Variants in RGPD3 observed in about 807,000 individuals in gnomAD.
The protein encoded by RGPD3 is ranBP2-like and GRIP domain-containing protein 3.
A neutral mutation model predicts 154.5 loss-of-function variants in RGPD3; 62 were observed. That is an observed-to-expected ratio of 0.40 (90% CI 0.33 to 0.50). RGPD3 has a LOEUF of 0.50. Ranked by LOEUF, RGPD3 falls within the 20% of genes least tolerant of loss-of-function variation. RGPD3 has a pLI of 0.59. For synonymous variants in RGPD3, 308 were observed against 607.0 expected (o/e 0.51, Z 7.24); for missense variants, 919 against 1,716.8 (o/e 0.54, Z 8.21).
At chr2:106,450,882 A>C (rs1480659329) in intron 6 of RGPD3, among the ~76,000 whole-genome samples, 2 of 27,364 alleles carry the variant, frequency 7.3e-5, no homozygotes, top group African/African-American at 1.7e-4. Flanking sequence ...ACTCAGTCTC[A>C]AAAAAAAAAG....
At chr2:106,462,885 A>C (rs1409527251) in intron 1 of RGPD3, among the ~76,000 whole-genome samples, 9 of 150,732 alleles carry the variant, frequency 6.0e-5, no homozygotes, top group African/African-American at 2.2e-4. Flanking sequence ...ATACTGAACC[A>C]TGAGTTCCCC....
chr2:106,442,563 T>C (rs1011828897), intron 7 of RGPD3, among the ~76,000 whole-genome samples: 3 of 130,550 alleles, frequency 2.3e-5, no homozygotes, highest in Admixed American at 1.5e-4. Context: ...CCTTCAAATA[T>C]TAAAATTATT....
At chr2:106,411,061 G>T (rs968596855) in intron 22 of RGPD3, among the ~76,000 whole-genome samples, 5 of 150,378 alleles carry the variant, frequency 3.3e-5, no homozygotes, top group South Asian at 2.2e-4. Flanking sequence ...GGTTTTCAAG[G>T]TATGGGCCCC....
intron 17 of RGPD3, 139 bp downstream of exon 17, chr2:106,432,796 A>T (rs1323941303): frequency 9.0e-6 from 10 of 1,114,468 alleles, no homozygotes; most frequent in Admixed American, 6.3e-5. Flanking sequence ...AAAAAAAAAA[A>T]AAAAGACCAA....
intron 22 of RGPD3, among the ~76,000 whole-genome samples, chr2:106,410,812 A>G (rs1676647669): frequency 6.6e-6 from 1 of 152,010 alleles, no homozygotes; most frequent in South Asian, 2.1e-4. Context: ...AATCTGAATA[A>G]CTACTAAAAA....
chr2:106,450,023 A>G (rs1358496695), intron 6 of RGPD3, among the ~76,000 whole-genome samples: 1 of 148,152 alleles, frequency 6.7e-6, no homozygotes, highest in Non-Finnish European at 1.5e-5. Context: ...TCTCAAAAAA[A>G]AAAAGATCGA....
At chr2:106,470,481 G>A (rs1033013829), upstream of RGPD3, among the ~76,000 whole-genome samples, 12 of 152,180 alleles carry the variant, frequency 7.9e-5, no homozygotes, top group African/African-American at 2.9e-4. Flanking sequence ...GTCAATCAAC[G>A]ATGGTACTCT....
chr2:106,465,929 T>G (rs1678561010), intron 1 of RGPD3, among the ~76,000 whole-genome samples: 3 of 151,736 alleles, frequency 2.0e-5, no homozygotes, highest in Admixed American at 2.0e-4. Context: ...GCCTACCTTG[T>G]CACTCGACGC....
chr2:106,444,689 G>A (rs1444549317), intron 7 of RGPD3, among the ~76,000 whole-genome samples: 1 of 147,546 alleles, frequency 6.8e-6, no homozygotes, highest in Non-Finnish European at 1.5e-5. Context: ...AGCCAGGCAT[G>A]GTGGCAGGCA....
At chr2:106,420,270 C>T (rs1676939132) in intron 20 of RGPD3, among the ~76,000 whole-genome samples, 1 of 147,106 alleles carries the variant, frequency 6.8e-6, no homozygotes, top group South Asian at 2.2e-4. Context: ...GTAGCTAACA[C>T]TATAAAATCT....
chr2:106,461,423 C>G (rs999659414), intron 1 of RGPD3, among the ~76,000 whole-genome samples: 11 of 152,210 alleles, frequency 7.2e-5, no homozygotes, highest in Non-Finnish European at 1.2e-4. Flanking sequence ...GGAGCACATA[C>G]AGCATGAATA....
chr2:106,451,880 T>C (rs1397688904), intron 6 of RGPD3, among the ~76,000 whole-genome samples: 2 of 151,622 alleles, frequency 1.3e-5, no homozygotes, highest in Admixed American at 6.6e-5. Context: ...GATTATACTA[T>C]TATAAAAAAA....
At chr2:106,468,436 A>T, upstream of RGPD3, 3 of 1,476,022 alleles carry the variant, frequency 2.0e-6, no homozygotes, top group East Asian at 7.6e-5. Context: ...TCCTGCGTCA[A>T]CAGTGTGTGG....
intron 9 of RGPD3, among the ~76,000 whole-genome samples, chr2:106,437,882 AC>A: frequency 6.6e-6 from 1 of 152,272 alleles, no homozygotes; most frequent in Admixed American, 6.5e-5. Flanking sequence ...ATCATACATA[AC>A]CATTTAGATG....
At chr2:106,413,325 C>A (rs1464032464) in intron 21 of RGPD3, 40 bp from the exon 22 acceptor site, 1 of 1,609,420 alleles carries the variant, frequency 6.2e-7, no homozygotes, top group East Asian at 2.2e-5. Context: ...GCTTTAGGAG[C>A]TTCTGATTAA....
chr2:106,410,979 C>A (rs1300139492), intron 22 of RGPD3, among the ~76,000 whole-genome samples: 2 of 150,834 alleles, frequency 1.3e-5, no homozygotes, highest in African/African-American at 4.9e-5. Flanking sequence ...TTCAAAGAAA[C>A]TATCAATACT....
At chr2:106,412,302 T>TGTTTG (rs1558833000) in intron 22 of RGPD3, among the ~76,000 whole-genome samples, 3 of 64,398 alleles carry the variant, frequency 4.7e-5, no homozygotes, top group Non-Finnish European at 6.4e-5. Context: ...AGTTTTTTTT[T>TGTTTG]TTTTTTTTTT....
Position 106,425,220 on chromosome 2 carries a change from A to T in RGPD3, c.2747T>A (p.Ile916Asn). 1 of 1,611,704 alleles carries T rather than the reference A, an allele frequency of 6.2e-7. No individual in the cohort carries two copies. The highest frequency in any genetic ancestry group is 8.5e-7 in the Non-Finnish European group (1 of 1,179,724). Residue 916 changes from isoleucine to asparagine, a missense_variant, in exon 20 of 23, where the codon ATC becomes AAC. Ile to Asn is a moderately radical substitution (Grantham distance 149). Coordinates refer to ENST00000409886, the MANE Select transcript of RGPD3 (RefSeq NM_001144013.2). ...EFKSTKEGFS[I>N]PVSADGFKFG... ...TTTAAATCCATCAGCAGACACAGGG[A>T]TGGAAAATCCTTCTTTGGTTGACTT...
At chr2:106,440,442 A>G (rs1345525840) in intron 8 of RGPD3, among the ~76,000 whole-genome samples, 3 of 151,734 alleles carry the variant, frequency 2.0e-5, no homozygotes, top group Non-Finnish European at 4.4e-5. Context: ...GGCAATTTTT[A>G]TCTAACTGTG....
Sources: allele counts gnomAD v4.1 joint callset (sites outside exome capture counted in the v4.1 genomes callset), GRCh38; gene constraint gnomAD v4.1.1; transcripts MANE v1.5; gene names NCBI Gene and HGNC (gene_info 2026-07-23, HGNC 2026-07-21).